PACRG: variants seen among roughly 807,000 people sequenced by gnomAD.
The protein encoded by PACRG is parkin coregulated gene protein.
PACRG carries 29 observed loss-of-function variants against 29.7 expected under a neutral mutation model. The ratio of observed to expected loss-of-function variants is 0.98; its 90% CI spans 0.73 to 1.33. The LOEUF is 1.33. Among genes scored for constraint, PACRG ranks in the 40% most tolerant of loss-of-function variants. PACRG has a pLI of 0.00. For missense variants in PACRG, 279 were observed against 316.2 expected (o/e 0.88, Z 0.89); for synonymous variants, 116 against 118.7 (o/e 0.98, Z 0.15).
At chr6:163,257,914 C>G (rs1377731665) in intron 4 of PACRG, among the ~76,000 whole-genome samples, 1 of 152,142 alleles carries the variant, frequency 6.6e-6, no homozygotes, top group African/African-American at 2.4e-5. Context: ...TATTTTAGAT[C>G]TAGTACTTTA....
chr6:163,206,064 ATGC>A (rs921646389), intron 4 of PACRG, among the ~76,000 whole-genome samples: 25 of 152,298 alleles, frequency 1.6e-4, no homozygotes, highest in African/African-American at 5.8e-4. Flanking sequence ...AAAATAACAG[ATGC>A]TGACAAGGTT....
At chr6:163,100,868 TCTTG>T in intron 4 of PACRG, 2 of 983,632 alleles carry the variant, frequency 2.0e-6, no homozygotes, top group South Asian at 9.4e-5. Context: ...ATTGATATTT[TCTTG>T]CTTGCCTGCT....
At chr6:163,240,096 A>G (rs557818677) in intron 4 of PACRG, among the ~76,000 whole-genome samples, 1,827 of 151,690 alleles carry the variant, frequency 0.012, 31 homozygotes, top group African/African-American at 0.042. Context: ...ACACTCACAC[A>G]CACAACTGAC....
intron 2 of PACRG, among the ~76,000 whole-genome samples, chr6:162,894,422 A>G (rs1795012472): frequency 6.6e-6 from 1 of 152,224 alleles, no homozygotes; most frequent in African/African-American, 2.4e-5. Flanking sequence ...TGATCATTTG[A>G]TCATTGTATC....
At chr6:163,248,443 A>AT (rs1395690980) in intron 4 of PACRG, among the ~76,000 whole-genome samples, 3 of 152,074 alleles carry the variant, frequency 2.0e-5, no homozygotes, top group African/African-American at 7.2e-5. Flanking sequence ...AAAAAAAAAA[A>AT]AAAAGATTTT....
intron 4 of PACRG, among the ~76,000 whole-genome samples, chr6:163,281,743 A>C (rs1249625502): frequency 6.6e-6 from 1 of 152,210 alleles, no homozygotes; most frequent in African/African-American, 2.4e-5. Flanking sequence ...TATAATTGAA[A>C]TACAGTGTAT....
intron 2 of PACRG, among the ~76,000 whole-genome samples, chr6:162,830,314 C>G (rs2128391802): frequency 6.6e-6 from 1 of 152,256 alleles, no homozygotes; most frequent in African/African-American, 2.4e-5. Context: ...TGTCATGCCT[C>G]TCACTTCCTG....
chr6:163,082,202 A>G (rs1446352859), intron 3 of PACRG, among the ~76,000 whole-genome samples: 3 of 152,192 alleles, frequency 2.0e-5, no homozygotes, highest in Non-Finnish European at 4.4e-5. Flanking sequence ...CAAAATTTGC[A>G]GGATCTATGT....
At chr6:163,169,759 C>T (rs1247812542) in intron 4 of PACRG, among the ~76,000 whole-genome samples, 1 of 152,184 alleles carries the variant, frequency 6.6e-6, no homozygotes, top group African/African-American at 2.4e-5. Flanking sequence ...GGGGAGGGGC[C>T]ATACAGACTT....
Position 163,299,052 on chromosome 6 carries a change from G to A in PACRG, c.614-15775G>A, listed in dbSNP as rs374014141. On this transcript the variant is annotated intron_variant, in intron 4 of 4. Coordinates refer to ENST00000366888, the MANE Select transcript of PACRG (RefSeq NM_001080379.2). The stretch of plus-strand genomic sequence containing the variant: ...ATGGTTGGTTACCTGGCATATTACC[G>A]GACTCCTCTGCCAGAATGTGAGCCC... 2.8e-3 allele frequency among the ~76,000 whole-genome samples: 429 copies of A among 152,142 alleles called. No individual in the cohort carries two copies. In the Middle Eastern group the frequency reaches 0.037, roughly 13 times the overall value.
chr6:163,241,884 TC>T (rs1325550693), intron 4 of PACRG, among the ~76,000 whole-genome samples: 1 of 152,106 alleles, frequency 6.6e-6, no homozygotes, highest in African/African-American at 2.4e-5. Context: ...CCAGCCCCCG[TC>T]TGGCATTCCT....
chr6:163,161,590 G>A (rs1349747382), intron 4 of PACRG, among the ~76,000 whole-genome samples: 1 of 152,142 alleles, frequency 6.6e-6, no homozygotes, highest in East Asian at 1.9e-4. Context: ...CGTATATTTT[G>A]TGCACTTGTG....
At chr6:162,783,382 C>G (rs1375466992) in intron 1 of PACRG, among the ~76,000 whole-genome samples, 1 of 151,864 alleles carries the variant, frequency 6.6e-6, no homozygotes, top group Non-Finnish European at 1.5e-5. Context: ...CAAAAATGTA[C>G]TAAACATTTT....
chr6:162,801,270 G>A (rs979220499), intron 1 of PACRG, among the ~76,000 whole-genome samples: 5 of 151,948 alleles, frequency 3.3e-5, no homozygotes, highest in South Asian at 2.1e-4. Flanking sequence ...CACCATGCCC[G>A]GCTAATTTTT....
chr6:162,924,716 T>C (rs540861395), intron 2 of PACRG, among the ~76,000 whole-genome samples: 69 of 151,784 alleles, frequency 4.5e-4, no homozygotes, highest in Admixed American at 9.2e-4. Flanking sequence ...TATTGAAACA[T>C]TCTTGCAAAT....
At position 163,196,442 on chromosome 6, in the gene PACRG, G is replaced by T. The variant is rs74462909; in HGVS notation, c.613+107034G>T. ...TCACCTTGCTGTGCAGCATTGGGGA[G>T]TTGCTGCTCTGCACCTTAGAGATGT... On this transcript the variant is annotated intron_variant, in intron 4 of 4. Transcript: ENST00000366888. 2.4e-3 allele frequency among the ~76,000 whole-genome samples: 359 copies of T among 152,360 alleles called. 3 individuals are homozygous for T. The highest frequency in any genetic ancestry group is 8.2e-3 in the African/African-American group (341 of 41,574).
intron 2 of PACRG, among the ~76,000 whole-genome samples, chr6:162,822,404 A>G (rs1347191335): frequency 6.6e-6 from 1 of 152,182 alleles, no homozygotes; most frequent in African/African-American, 2.4e-5. Context: ...CAGAGTAACT[A>G]CTATTTTCAC....
intron 2 of PACRG, among the ~76,000 whole-genome samples, chr6:163,007,767 A>G (rs1308298179): frequency 6.6e-6 from 1 of 152,092 alleles, no homozygotes; most frequent in Admixed American, 6.5e-5. Flanking sequence ...CTCTTGCTCC[A>G]TTTTGGTCAG....
chr6:163,011,882 G>T (rs959580557), intron 2 of PACRG, among the ~76,000 whole-genome samples: 1 of 152,066 alleles, frequency 6.6e-6, no homozygotes, highest in African/African-American at 2.4e-5. Flanking sequence ...ACAGGGTCAG[G>T]AGCATCCATG....
Sources: gnomAD v4.1 joint callset for allele counts (sites outside exome capture counted in the v4.1 genomes callset) on GRCh38, gnomAD v4.1.1 for gene constraint, MANE v1.5 for transcripts, NCBI Gene and HGNC (gene_info 2026-07-23, HGNC 2026-07-21) for gene names.